Variants in SUGT1 observed in about 807,000 individuals in gnomAD.
SUGT1 encodes the protein SGT1 assembly cochaperone of MIS12 kinetochore complex.
A neutral mutation model predicts 56.1 loss-of-function variants in SUGT1; 15 were observed. The ratio of observed to expected loss-of-function variants is 0.27; its 90% CI spans 0.18 to 0.41. The LOEUF is 0.41. Ranked by LOEUF, SUGT1 falls within the 10% of genes least tolerant of loss-of-function variation. SUGT1 has a pLI of 1.00. For missense variants in SUGT1, 347 were observed against 382.2 expected (o/e 0.91, Z 0.77); for synonymous variants, 123 against 128.6 (o/e 0.96, Z 0.30).
intron 2 of SUGT1, among the ~76,000 whole-genome samples, chr13:52,656,210 A>G (rs1383439585): frequency 6.6e-6 from 1 of 152,222 alleles, no homozygotes. Flanking sequence ...AGAAAAATCA[A>G]TACTTTTCAT....
At chr13:52,684,920 TTC>T (rs1963516436) in intron 12 of SUGT1, among the ~76,000 whole-genome samples, 1 of 151,618 alleles carries the variant, frequency 6.6e-6, no homozygotes. Context: ...TTTTTTTTTT[TTC>T]CTTGTTTGTG....
intron 10 of SUGT1, among the ~76,000 whole-genome samples, chr13:52,673,290 A>T (rs2138147747): frequency 6.8e-6 from 1 of 147,534 alleles, no homozygotes; most frequent in African/African-American, 2.5e-5. Flanking sequence ...TCTGTTGCCC[A>T]TGCTGGAGTG....
At position 52,698,430 on chromosome 13, in the gene SUGT1, A is replaced by C. The variant is rs1963995309; in HGVS notation, c.*10595A>C. 6.9e-6 allele frequency: 1 copy of C among 144,602 alleles called. No individual in the cohort carries two copies. The highest frequency in any genetic ancestry group is 2.0e-4 in the East Asian group (1 of 5,014). The allele number at this position is 144,602 out of a possible 1,614,324, so 9.0% of individuals were successfully genotyped here. A position where few individuals can be genotyped will look rare whatever the true frequency, so the allele number is the denominator to read the frequency against. On this transcript the variant is annotated 3_prime_UTR_variant, in exon 13 of 13. Coordinates refer to ENST00000310528, the MANE Select transcript of SUGT1 (RefSeq NM_006704.5). ...ATCGTTGGTGATAGACTCTCTCTTA[A>C]AACTTATTTATCCTAATCTTTTTTT... is the stretch of plus-strand genomic sequence containing the variant.
At chr13:52,679,043 A>G (rs1963262521) in intron 11 of SUGT1, among the ~76,000 whole-genome samples, 7 of 152,228 alleles carry the variant, frequency 4.6e-5, no homozygotes, top group Admixed American at 4.6e-4. Flanking sequence ...AAAATGTATT[A>G]TTAAACTGCA....
rs1594264034 is a variant in SUGT1, at chr13:52,690,576, G to A, written c.*2741G>A. The A allele has an allele frequency of 6.6e-6, 1 of 152,112 alleles. No individual in the cohort carries two copies. Among genetic ancestry groups the A allele is most frequent in the African/African-American group, 2.4e-5 (1 of 41,400 alleles). 9.4% of individuals were successfully genotyped at this position (152,112 alleles called of 1,614,324 possible). On this transcript the variant is annotated 3_prime_UTR_variant, in exon 13 of 13. Coordinates refer to ENST00000310528, the MANE Select transcript of SUGT1 (RefSeq NM_006704.5). ...AATAATTTGCACCTTGATGAATCCA[G>A]AATTCTCCCACTGTCTTCAAAGAAT... is the stretch of plus-strand genomic sequence containing the variant.
At chr13:52,674,096 C>A (rs1452503001) in intron 10 of SUGT1, among the ~76,000 whole-genome samples, 1 of 123,362 alleles carries the variant, frequency 8.1e-6, no homozygotes, top group Admixed American at 1.0e-4. Flanking sequence ...GCTCTGTTGC[C>A]CAGGCTGAAG....
chr13:52,696,838 G>A lies in SUGT1; in HGVS notation c.*9003G>A, dbSNP rs1236780120. 6.6e-6 allele frequency: 1 copy of A among 150,590 alleles called. No homozygotes were observed. The highest frequency in any genetic ancestry group is 1.5e-5 in the Non-Finnish European group (1 of 67,856). 9.3% of individuals were successfully genotyped at this position (150,590 alleles called of 1,614,324 possible). Reference sequence around the variant, plus strand: ...AAGTAGGTTTTTAACCCACAGCCACGAGAGCTAATTTTAACTACATTGTTA... The same window carrying A: ...AAGTAGGTTTTTAACCCACAGCCACAAGAGCTAATTTTAACTACATTGTTA... On this transcript the variant is annotated 3_prime_UTR_variant, in exon 13 of 13. Coordinates refer to ENST00000310528, the MANE Select transcript of SUGT1 (RefSeq NM_006704.5).
chr13:52,663,402 A>C (rs950685272), intron 7 of SUGT1, among the ~76,000 whole-genome samples: 1 of 152,104 alleles, frequency 6.6e-6, no homozygotes, highest in Non-Finnish European at 1.5e-5. Context: ...CTAAAACCTT[A>C]TTGCATTTAT....
Position 52,688,049 on chromosome 13 carries a change from A to T in SUGT1, c.*214A>T. 1 of 327,790 alleles carries T rather than the reference A, an allele frequency of 3.1e-6. No homozygotes were observed. Among genetic ancestry groups the T allele is most frequent in the Non-Finnish European group, 5.5e-6 (1 of 180,694 alleles). The allele number at this position is 327,790 out of a possible 1,614,324, so 20.3% of individuals were successfully genotyped here. A position where few individuals can be genotyped will look rare whatever the true frequency, so the allele number is the denominator to read the frequency against. ...ACTTCTGTCCTTAAAGGTTTCAGACATGGTGAAACTGAATAAAGCATGTCA... is the reference window on the plus strand; with the variant it reads ...ACTTCTGTCCTTAAAGGTTTCAGACTTGGTGAAACTGAATAAAGCATGTCA... On this transcript the variant is annotated 3_prime_UTR_variant, in exon 13 of 13. Coordinates refer to ENST00000310528, the MANE Select transcript of SUGT1 (RefSeq NM_006704.5).
At chr13:52,686,969 G>T (rs1014095847) in intron 12 of SUGT1, among the ~76,000 whole-genome samples, 1 of 149,196 alleles carries the variant, frequency 6.7e-6, no homozygotes. Flanking sequence ...TACTCGGGAG[G>T]CTGAGGCAGG....
chr13:52,687,030 C>T (rs968157358), intron 12 of SUGT1: 1 of 113,730 alleles, frequency 8.8e-6, no homozygotes, highest in South Asian at 3.1e-4. Flanking sequence ...CAGATCGTGC[C>T]ATTGCACTCC....
chr13:52,655,631 T>C (rs1206759300), intron 2 of SUGT1, among the ~76,000 whole-genome samples: 1 of 152,074 alleles, frequency 6.6e-6, no homozygotes, highest in Admixed American at 6.5e-5. Flanking sequence ...ATAAGGGATG[T>C]CTCCTGAGTT....
chr13:52,665,742 A>T lies in SUGT1; in HGVS notation c.519+9A>T. 6.4e-7 allele frequency: 1 copy of T among 1,566,180 alleles called. No homozygotes were observed. The highest frequency in any genetic ancestry group is 8.7e-7 in the Non-Finnish European group (1 of 1,155,622). On this transcript the variant is annotated intron_variant, in intron 9 of 12. Transcript: ENST00000310528. The stretch of plus-strand genomic sequence containing the variant: ...AATTTTCAGAAAAAGAGGTCAGTAG[A>T]CTGAATCATTTTTCAATGTTGATTA...
intron 5 of SUGT1, 106 bp from the exon 6 acceptor site, chr13:52,662,541 TCC>T: frequency 1.9e-6 from 2 of 1,031,356 alleles, no homozygotes; most frequent in South Asian, 3.4e-5. Context: ...CGCTGCCGAC[TCC>T]CCAGTGCCTA....
intron 10 of SUGT1, among the ~76,000 whole-genome samples, chr13:52,675,155 C>T (rs1450320166): frequency 1.3e-5 from 2 of 152,162 alleles, no homozygotes; most frequent in Admixed American, 6.5e-5. Flanking sequence ...ATGTATAAAG[C>T]GTTTCCCCTT....
At chr13:52,660,252 C>T (rs1373246306) in intron 5 of SUGT1, among the ~76,000 whole-genome samples, 1 of 152,130 alleles carries the variant, frequency 6.6e-6, no homozygotes, top group Non-Finnish European at 1.5e-5. Flanking sequence ...AGTTTTATCA[C>T]AGTTCTCTAA....
In SUGT1 at chr13:52,652,891, C is replaced by T; in HGVS notation, c.-30C>T. On this transcript the variant is annotated 5_prime_UTR_variant, in exon 1 of 13. Transcript: ENST00000310528. Reference sequence around the variant, plus strand: ...GAGGTGGTAACCGTGATAGTAGCAGCTCCGGCGGCAGCAACAGCGACTACG... The same window carrying T: ...GAGGTGGTAACCGTGATAGTAGCAGTTCCGGCGGCAGCAACAGCGACTACG... 2 of 1,610,000 alleles carry T rather than the reference C, an allele frequency of 1.2e-6. No individual in the cohort carries two copies. The highest frequency in any genetic ancestry group is 8.5e-7 in the Non-Finnish European group (1 of 1,177,870).
chr13:52,680,010 C>T lies in SUGT1; in HGVS notation c.755C>T (p.Thr252Ile), dbSNP rs897548515. 3 of 1,599,334 alleles carry T rather than the reference C, an allele frequency of 1.9e-6. No individual in the cohort carries two copies. Among genetic ancestry groups the T allele is most frequent in the Admixed American group, 1.8e-5 (1 of 55,440 alleles). ...KNLYPSSSPY[T>I]RNWDKLVGEI... Reference sequence around the variant, plus strand: ...CTATATCCATCATCATCTCCTTATACAAGAAATTGGGATAAATTGGTTGGT... The same window carrying T: ...CTATATCCATCATCATCTCCTTATATAAGAAATTGGGATAAATTGGTTGGT... Residue 252 changes from threonine to isoleucine, a missense_variant, in exon 12 of 13, where the codon ACA becomes ATA. Coordinates refer to ENST00000310528, the MANE Select transcript of SUGT1 (RefSeq NM_006704.5).
In SUGT1 at chr13:52,700,380, C is replaced by G. The variant is rs936697863; in HGVS notation, c.*12545C>G. 6.6e-5 allele frequency: 10 copies of G among 152,102 alleles called. No homozygotes were observed. Among genetic ancestry groups the G allele is most frequent in the African/African-American group, 2.4e-4 (10 of 41,496 alleles). 9.4% of individuals were successfully genotyped at this position (152,102 alleles called of 1,614,324 possible). A position where few individuals can be genotyped will look rare whatever the true frequency, so the allele number is the denominator to read the frequency against. Reference sequence around the variant, plus strand: ...TGTACTTACCTTACACAGTAAGTACCTAAAATTTGTAAATTGAATACTTTT... The same window carrying G: ...TGTACTTACCTTACACAGTAAGTACGTAAAATTTGTAAATTGAATACTTTT... On this transcript the variant is annotated 3_prime_UTR_variant, in exon 13 of 13. Transcript: ENST00000310528.
Sources: gnomAD v4.1 joint callset for allele counts (sites outside exome capture counted in the v4.1 genomes callset) on GRCh38, gnomAD v4.1.1 for gene constraint, MANE v1.5 for transcripts, NCBI Gene and HGNC (gene_info 2026-07-23, HGNC 2026-07-21) for gene names.